APOB: variants seen among roughly 807,000 people sequenced by gnomAD.
The protein encoded by APOB is apolipoprotein B.
In APOB, 153 loss-of-function variants were observed where a neutral mutation model predicts 314.1. That is an observed-to-expected ratio of 0.49 (90% CI 0.43 to 0.56). APOB has a LOEUF of 0.56. Ranked by LOEUF, APOB falls within the 20% of genes least tolerant of loss-of-function variation. APOB has a pLI of 0.00. For synonymous variants in APOB, 2,087 were observed against 2,036.4 expected (o/e 1.02, Z -0.67); for missense variants, 5,430 against 5,350.7 (o/e 1.01, Z -0.46).
rs151009667 is a variant in APOB, at chr2:21,011,802, C to T, written c.5066G>A (p.Arg1689His). The T allele has an allele frequency of 1.7e-3, 2,753 of 1,614,062 alleles. 2 individuals are homozygous for T. Among genetic ancestry groups the T allele is most frequent in the Non-Finnish European group, 2.2e-3 (2,590 of 1,180,000 alleles). Residue 1689 changes from arginine to histidine, a missense_variant, in exon 26 of 29, where the codon CGC becomes CAC. Coordinates refer to ENST00000233242, the MANE Select transcript of APOB (RefSeq NM_000384.3). ...GASMKLTTNGRFREHNAKFSL... is the reference protein window; with the variant it reads ...GASMKLTTNGHFREHNAKFSL... ...GAATTTTGCATTGTGTTCCCTGAAGCGGCCATTTGTTGTTAATTTCATAGA... is the reference window on the plus strand; with the variant it reads ...GAATTTTGCATTGTGTTCCCTGAAGTGGCCATTTGTTGTTAATTTCATAGA...
rs1663257362 is a variant in APOB, at chr2:21,009,883, C to T, written c.6985G>A (p.Glu2329Lys). 1 of 1,613,852 alleles carries T rather than the reference C, an allele frequency of 6.2e-7. No individual in the cohort carries two copies. Among genetic ancestry groups the T allele is most frequent in the South Asian group, 1.1e-5 (1 of 91,078 alleles). Reference protein sequence around the residue: ...HFVINLIGDFEVAEKINAFRA... With the variant: ...HFVINLIGDFKVAEKINAFRA... ...AAGGCATTGATTTTCTCAGCTACTTCAAAATCCCCAATAAGATTTATAACA... is the reference window on the plus strand; with the variant it reads ...AAGGCATTGATTTTCTCAGCTACTTTAAAATCCCCAATAAGATTTATAACA... The change falls in exon 26 of 29, where the codon GAA (glutamate) becomes AAA (lysine). Residue 2329 changes from glutamate (E) to lysine (K), a missense_variant. Transcript: ENST00000233242.
rs72654428 is a variant in APOB, at chr2:21,001,719, C to A, written c.*11G>T. The A allele has an allele frequency of 1.4e-3, 2,202 of 1,612,764 alleles. 22 individuals carry two copies. The African/African-American group carries it at 0.024, about 18-fold the overall frequency. On this transcript the variant is annotated 3_prime_UTR_variant, in exon 29 of 29. Transcript: ENST00000233242. ...GGAAAAGAAGAATAAATGAAGATTT[C>A]TTTTAAAAAATTAGAGGATGATAGT...
chr2:21,015,975 G>A (rs1663452559), intron 21 of APOB, among the ~76,000 whole-genome samples: 1 of 152,200 alleles, frequency 6.6e-6, no homozygotes, highest in African/African-American at 2.4e-5. Flanking sequence ...AATCCAACTG[G>A]ACATGCGCAG....
Position 21,028,481 on chromosome 2 carries a change from G to A in APOB, c.1675C>T (p.Leu559=). Residue 559 remains leucine (L), a synonymous_variant, in exon 13 of 29, where the codon CTG becomes TTG. Transcript: ENST00000233242. ...LDDASPGDKR[L]AAYLMLMRSP... Reference sequence around the variant, plus strand: ...CTCATCAACATAAGATAGGCAGCCAGTCGCTTATCTCCCGGAGAAGCATCA... The same window carrying A: ...CTCATCAACATAAGATAGGCAGCCAATCGCTTATCTCCCGGAGAAGCATCA... 6.2e-7 allele frequency: 1 copy of A among 1,614,050 alleles called. No homozygotes were observed. Among genetic ancestry groups the A allele is most frequent in the Non-Finnish European group, 8.5e-7 (1 of 1,180,028 alleles).
In APOB at chr2:21,010,689, T is replaced by C. The variant is rs753938407; in HGVS notation, c.6179A>G (p.Tyr2060Cys). 6.8e-6 allele frequency: 11 copies of C among 1,613,982 alleles called. No individual in the cohort carries two copies. The highest frequency in any genetic ancestry group is 1.1e-5 in the South Asian group (1 of 91,056). The change falls in exon 26 of 29, where the codon TAT (tyrosine) becomes TGT (cysteine). Residue 2060 changes from tyrosine to cysteine, a missense_variant. Coordinates refer to ENST00000233242, the MANE Select transcript of APOB (RefSeq NM_000384.3). ...QEFTIVAFVKYDKNQDVHSIN... is the reference protein window; with the variant it reads ...QEFTIVAFVKCDKNQDVHSIN... ...GGAGTGAACATCTTGGTTTTTATCA[T>C]ACTTTACAAAAGCAACAATTGTAAA... is the stretch of plus-strand genomic sequence containing the variant.
At chr2:21,037,429 G>A (rs1004395909) in intron 5 of APOB, among the ~76,000 whole-genome samples, 174 bp from the exon 6 acceptor site, 2 of 152,174 alleles carry the variant, frequency 1.3e-5, no homozygotes, top group Admixed American at 6.5e-5. Flanking sequence ...GCCAGCCCAA[G>A]TTGGGAGAGA....
intron 6 of APOB, 119 bp downstream of exon 6, chr2:21,036,979 CTG>C: frequency 8.0e-7 from 1 of 1,257,560 alleles, no homozygotes; most frequent in South Asian, 1.3e-5. Flanking sequence ...TATCTCTAGT[CTG>C]TATAAAAAAC....
chr2:21,032,493 G>T lies in APOB; in HGVS notation c.1213C>A (p.Pro405Thr), dbSNP rs61745113. ...LQWLKRVHAN[P>T]LLIDVVTYLV... ...TAGGTGACCACATCTATCAGAAGGGGGTTGGCATGCACACGTTTCAGCCAC... is the reference window on the plus strand; with the variant it reads ...TAGGTGACCACATCTATCAGAAGGGTGTTGGCATGCACACGTTTCAGCCAC... The change falls in exon 10 of 29, where the codon CCC becomes ACC. Residue 405 changes from proline to threonine, a missense_variant. Pro to Thr is a conservative substitution (Grantham distance 38). Transcript: ENST00000233242. 4 of 1,614,100 alleles carry T rather than the reference G, an allele frequency of 2.5e-6. No homozygotes were observed. Among genetic ancestry groups the T allele is most frequent in the Admixed American group, 1.7e-5 (1 of 60,010 alleles).
chr2:21,005,996 A>C lies in APOB; in HGVS notation c.10872T>G (p.Ala3624=). ...PDLGQEVALN[A]NTKNQKIRWK... Reference sequence around the variant, plus strand: ...ATCTGATCTTCTGGTTCTTAGTGTTAGCATTCAGGGCCACTTCCTGGCCAA... The same window carrying C: ...ATCTGATCTTCTGGTTCTTAGTGTTCGCATTCAGGGCCACTTCCTGGCCAA... Residue 3624 remains alanine, a synonymous_variant, in exon 26 of 29, where the codon GCT becomes GCG. Transcript: ENST00000233242. 1 of 1,613,946 alleles carries C rather than the reference A, an allele frequency of 6.2e-7. No homozygotes were observed. The highest frequency in any genetic ancestry group is 8.5e-7 in the Non-Finnish European group (1 of 1,179,950).
intron 8 of APOB, among the ~76,000 whole-genome samples, chr2:21,034,032 G>A (rs1164824891): frequency 6.6e-6 from 1 of 152,212 alleles, no homozygotes; most frequent in East Asian, 1.9e-4. Context: ...CCAGGCACAT[G>A]GGTGCTTATC....
At position 21,026,787 on chromosome 2, in the gene APOB, C is replaced by T. The variant is rs142767758; in HGVS notation, c.2244+1G>A. On this transcript the variant is annotated splice_donor_variant, in intron 15 of 28. Coordinates refer to ENST00000233242, the MANE Select transcript of APOB (RefSeq NM_000384.3). LOFTEE classifies it high-confidence loss of function. ...TAAGAAGATACTTCACAAATACACA[C>T]CTGCTCATGTTTATCATCTTTGGTA... 6.2e-7 allele frequency: 1 copy of T among 1,612,292 alleles called. No individual in the cohort carries two copies. The highest frequency in any genetic ancestry group is 8.5e-7 in the Non-Finnish European group (1 of 1,178,452).
chr2:21,014,516 C>G lies in APOB; in HGVS notation c.3774G>C (p.Leu1258=), dbSNP rs752823240. The G allele has an allele frequency of 5.6e-5, 91 of 1,613,978 alleles. No individual in the cohort carries two copies. The highest frequency in any genetic ancestry group is 2.0e-5 in the Non-Finnish European group (24 of 1,180,010). The change falls in exon 24 of 29, where the codon CTG becomes CTC. Residue 1258 remains leucine (L), a synonymous_variant. Coordinates refer to ENST00000233242, the MANE Select transcript of APOB (RefSeq NM_000384.3). ...TQTLQDHLNS[L]KEFNLQNMGL... is the part of the protein sequence containing the mutation. ...CCATGTTCTGGAGGTTGAACTCCTT[C>G]AGGCTATTGAGGTGGTCTTGCAAAG...
In APOB at chr2:21,037,130, G is replaced by A; in HGVS notation, c.663C>T (p.Gly221=). Reference sequence around the variant, plus strand: ...CTTTGATGAGAGCAAGTGGGCTGATGCCTGTGCGGATGGGCTTGAAGCGAT... The same window carrying A: ...CTTTGATGAGAGCAAGTGGGCTGATACCTGTGCGGATGGGCTTGAAGCGAT... ...QCDRFKPIRT[G]ISPLALIKGM... The change falls in exon 6 of 29, where the codon GGC becomes GGT. Residue 221 remains glycine, a synonymous_variant. Coordinates refer to ENST00000233242, the MANE Select transcript of APOB (RefSeq NM_000384.3). 3 of 1,614,218 alleles carry A rather than the reference G, an allele frequency of 1.9e-6. No homozygotes were observed. The highest frequency in any genetic ancestry group is 2.5e-6 in the Non-Finnish European group (3 of 1,180,046).
Position 21,011,412 on chromosome 2 carries a change from A to G in APOB, c.5456T>C (p.Leu1819Pro). The G allele has an allele frequency of 6.2e-7, 1 of 1,614,114 alleles. No individual in the cohort carries two copies. Among genetic ancestry groups the G allele is most frequent in the Non-Finnish European group, 8.5e-7 (1 of 1,180,020 alleles). ...TAGGTTACCAGCCACATGCAGCTTC[A>G]GGGGTTCTAGCCGTAGTTTCCCATT... The part of the protein sequence containing the change: ...TNNGKLRLEP[L>P]KLHVAGNLKG... The change falls in exon 26 of 29, where the codon CTG (leucine) becomes CCG (proline). Residue 1819 changes from leucine to proline, a missense_variant. Coordinates refer to ENST00000233242, the MANE Select transcript of APOB (RefSeq NM_000384.3).
intron 15 of APOB, 22 bp from the exon 16 acceptor site, chr2:21,025,146 G>T (rs1345176350): frequency 2.5e-6 from 4 of 1,609,540 alleles, no homozygotes. Context: ...GTAATAAAAT[G>T]GCCAGTGAGA....
In APOB at chr2:21,011,489, C is replaced by A; in HGVS notation, c.5379G>T (p.Leu1793=). The change falls in exon 26 of 29, where the codon CTG becomes CTT. Residue 1793 remains leucine (L), a synonymous_variant. Transcript: ENST00000233242. ...TVNLQLQPYS[L]VTTLNSDLKY... The stretch of plus-strand genomic sequence containing the variant: ...TCAGGTCACTGTTTAAAGTAGTTAC[C>A]AGAGAATAGGGCTGTAGCTGTAAAT... The A allele has an allele frequency of 6.2e-7, 1 of 1,614,086 alleles. No individual in the cohort carries two copies. Among genetic ancestry groups the A allele is most frequent in the South Asian group, 1.1e-5 (1 of 91,074 alleles).
intron 2 of APOB, 142 bp from the exon 3 acceptor site, chr2:21,042,618 A>G: frequency 1.4e-6 from 1 of 714,204 alleles, no homozygotes; most frequent in East Asian, 2.7e-5. Flanking sequence ...CTTTATACTT[A>G]ATTTTCCTTT....
At position 21,016,616 on chromosome 2, in the gene APOB, T is replaced by C. The variant is rs1445811555; in HGVS notation, c.3155A>G (p.Lys1052Arg). 4 of 1,611,418 alleles carry C rather than the reference T, an allele frequency of 2.5e-6. No individual in the cohort carries two copies. The highest frequency in any genetic ancestry group is 2.2e-5 in the East Asian group (1 of 44,854). The change falls in exon 21 of 29, where the codon AAA (lysine) becomes AGA (arginine). Residue 1052 changes from lysine (K) to arginine (R), a missense_variant. Transcript: ENST00000233242. ...AKQTEATMTF[K>R]YNRQSMTLSS... Reference sequence around the variant, plus strand: ...CAAGGTCATACTCTGCCGATTATATTTGAATGTCATGGTAGCCTCAGTCTG... The same window carrying C: ...CAAGGTCATACTCTGCCGATTATATCTGAATGTCATGGTAGCCTCAGTCTG...
Position 21,002,909 on chromosome 2 carries a change from C to A in APOB, c.12513G>T (p.Val4171=). The stretch of plus-strand genomic sequence containing the variant: ...GAGTAACTCGTACCAAGCCATCAAA[C>A]ACGTTATCCTTGAGTCCCTGGAAAC... ...QASFQGLKDN[V]FDGLVRVTQE... Residue 4171 remains valine, a synonymous_variant, in exon 29 of 29, where the codon GTG becomes GTT. Coordinates refer to ENST00000233242, the MANE Select transcript of APOB (RefSeq NM_000384.3). 1 of 1,613,748 alleles carries A rather than the reference C, an allele frequency of 6.2e-7. No individual in the cohort carries two copies. Among genetic ancestry groups the A allele is most frequent in the African/African-American group, 1.3e-5 (1 of 75,006 alleles).
Sources: allele counts gnomAD v4.1 joint callset (sites outside exome capture counted in the v4.1 genomes callset), GRCh38; gene constraint gnomAD v4.1.1; transcripts MANE v1.5; gene names NCBI Gene and HGNC (gene_info 2026-07-23, HGNC 2026-07-21).